PRAMEF14: variants seen among roughly 807,000 people sequenced by gnomAD.
PRAMEF14 encodes PRAME family member 14.
A neutral mutation model predicts 38.3 loss-of-function variants in PRAMEF14; 24 were observed. The observed-to-expected ratio is 0.63, with a 90% CI of 0.45 to 0.88. PRAMEF14 has a LOEUF of 0.88. PRAMEF14 is among the 40% of genes least tolerant of loss of function. The pLI, the probability that PRAMEF14 is intolerant of heterozygous loss-of-function variation, is 0.00. For missense variants in PRAMEF14, 477 were observed against 570.8 expected, an observed-to-expected ratio of 0.84 and a Z score of 1.67; for synonymous variants, 194 against 226.4, an observed-to-expected ratio of 0.86 and a Z score of 1.29.
Position 13,342,801 on chromosome 1 carries a change from A to T in PRAMEF14, c.1152T>A (p.Phe384Leu), listed in dbSNP as rs372624901. ...CACCCATAGACATACAATTTCTGCC[A>T]AAGTAGAAGGTGGTGAGCTGGGAGC... is the stretch of plus-strand genomic sequence containing the variant. ...SHCSQLTTFY[F>L]GRNCMSMGAL... The change falls in exon 4 of 4, where the codon TTT (phenylalanine) becomes TTA (leucine). Residue 384 changes from phenylalanine (F) to leucine (L), a missense_variant. By Grantham distance (22) the Phe-to-Leu change is conservative. This residue lies in a region of PRAMEF14 where 151 missense variants were observed against 137.4 expected (regional missense o/e 1.10). Coordinates refer to ENST00000334600, the MANE Select transcript of PRAMEF14 (RefSeq NM_001024661.2). 3.4e-5 allele frequency: 54 copies of T among 1,606,700 alleles called. 1 individual carries two copies. The highest frequency in any genetic ancestry group is 2.3e-4 in the Middle Eastern group (1 of 4,444).
In PRAMEF14 at chr1:13,344,275, A is replaced by G. The variant is rs1640371626; in HGVS notation, c.629T>C (p.Leu210Pro). 7 of 1,605,942 alleles carry G rather than the reference A, an allele frequency of 4.4e-6. No individual in the cohort carries two copies. The highest frequency in any genetic ancestry group is 5.1e-6 in the Non-Finnish European group (6 of 1,176,996). ...KIIYLNSIQQ[L>P]EIRNMSWPRL... ...TGGCCAGGACATGTTGCGAATTTCC[A>G]GCTGTTGAATACTATTCAGGTATAT... Residue 210 changes from leucine (L) to proline (P), a missense_variant, in exon 3 of 4, where the codon CTG (leucine) becomes CCG (proline). Leu to Pro is a moderately conservative substitution (Grantham distance 98, BLOSUM62 -3). Around this residue, in one of 4 missense-constraint regions of PRAMEF14, gnomAD observed 234 missense variants for 247.4 expected, o/e 0.95. Transcript: ENST00000334600.
Position 13,342,847 on chromosome 1 carries a change from A to G in PRAMEF14, c.1106T>C (p.Ile369Thr). The change falls in exon 4 of 4, where the codon ATC becomes ACC. Residue 369 changes from isoleucine to threonine, a missense_variant. Ile to Thr is a moderately conservative substitution (Grantham distance 89). Around this residue, in one of 4 missense-constraint regions of PRAMEF14, gnomAD observed 151 missense variants for 137.4 expected, o/e 1.10. Transcript: ENST00000334600. Reference protein sequence around the residue: ...CQIHYSQLSAILPGLSHCSQL... With the variant: ...CQIHYSQLSATLPGLSHCSQL... Reference sequence around the variant, plus strand: ...GGAGCAGTGGCTCAGGCCAGGCAGGATGGCACTGAGTTGGGAGTAGTGGAT... The same window carrying G: ...GGAGCAGTGGCTCAGGCCAGGCAGGGTGGCACTGAGTTGGGAGTAGTGGAT... The G allele has an allele frequency of 6.2e-7, 1 of 1,608,946 alleles. No individual in the cohort carries two copies.
chr1:13,342,298 C>T lies in PRAMEF14; in HGVS notation c.*230G>A, dbSNP rs1414557826. The T allele has an allele frequency of 5.3e-6, 4 of 761,858 alleles. No homozygotes were observed. In the African/African-American group the frequency reaches 7.0e-5, roughly 13 times the overall value. The allele number at this position is 761,858 out of a possible 1,614,324, so 47.2% of individuals were successfully genotyped here. A position where few individuals can be genotyped will look rare whatever the true frequency, so the allele number is the denominator to read the frequency against. On this transcript the variant is annotated 3_prime_UTR_variant, in exon 4 of 4. Transcript: ENST00000334600. ...GTCACTCATGCCAGTAATCCCAGCA[C>T]TTTAGGAAGCTGAGGCAGGAGGATC...
intron 3 of PRAMEF14, chr1:13,343,814 T>C (rs55659405): frequency 4.1e-6 from 6 of 1,475,622 alleles, no homozygotes; most frequent in Non-Finnish European, 5.4e-6. Context: ...ATGATGTCTC[T>C]CTCTAGCTTC....
chr1:13,345,711 T>A (rs1471803577), intron 1 of PRAMEF14, among the ~76,000 whole-genome samples: 451 of 147,618 alleles, frequency 3.1e-3, no homozygotes, highest in South Asian at 6.7e-3. Flanking sequence ...GAAAATTTTC[T>A]ACCAGAAATG....
chr1:13,344,323 T>C lies in PRAMEF14; in HGVS notation c.581A>G (p.His194Arg). 2.5e-6 allele frequency: 4 copies of C among 1,608,038 alleles called. No homozygotes were observed. Among genetic ancestry groups the C allele is most frequent in the Non-Finnish European group, 3.4e-6 (4 of 1,178,302 alleles). ...KLVNYLTPIKHLRKSLKIIYL... is the reference protein window; with the variant it reads ...KLVNYLTPIKRLRKSLKIIYL... ...TATTATTTTCAATGACTTTCTGAGATGTTTAATCGGCGTTAGATAATTGAC... is the reference window on the plus strand; with the variant it reads ...TATTATTTTCAATGACTTTCTGAGACGTTTAATCGGCGTTAGATAATTGAC... Residue 194 changes from histidine to arginine, a missense_variant, in exon 3 of 4, where the codon CAT becomes CGT. Coordinates refer to ENST00000334600, the MANE Select transcript of PRAMEF14 (RefSeq NM_001024661.2).
In PRAMEF14 at chr1:13,342,175, A is replaced by G. The variant is rs1231160194; in HGVS notation, c.*353T>C. The G allele has an allele frequency of 9.7e-6, 3 of 308,468 alleles. No homozygotes were observed. Among genetic ancestry groups the G allele is most frequent in the Non-Finnish European group, 6.0e-6 (1 of 165,778 alleles). The allele number at this position is 308,468 out of a possible 1,614,324, so 19.1% of individuals were successfully genotyped here. Reference sequence around the variant, plus strand: ...CTGAAGTTCTCATTGATGTCACCTCAACATTTTCCTCCAGCCTTGCCCCCT... The same window carrying G: ...CTGAAGTTCTCATTGATGTCACCTCGACATTTTCCTCCAGCCTTGCCCCCT... On this transcript the variant is annotated 3_prime_UTR_variant, in exon 4 of 4. Transcript: ENST00000334600.
In PRAMEF14 at chr1:13,344,273, C is replaced by G. The variant is rs1457657425; in HGVS notation, c.631G>C (p.Glu211Gln). The G allele has an allele frequency of 5.0e-6, 8 of 1,606,010 alleles. No individual in the cohort carries two copies. The African/African-American group carries it at 8.0e-5, about 16-fold the overall frequency. Residue 211 changes from glutamate to glutamine, a missense_variant, in exon 3 of 4, where the codon GAA becomes CAA. Physicochemically the swap from Glu to Gln is conservative, Grantham distance 29. Transcript: ENST00000334600. ...CGTGGCCAGGACATGTTGCGAATTT[C>G]CAGCTGTTGAATACTATTCAGGTAT... ...IIYLNSIQQL[E>Q]IRNMSWPRLI...
In PRAMEF14 at chr1:13,343,077, C is replaced by G. The variant is rs1442246994; in HGVS notation, c.876G>C (p.Gln292His). The G allele has an allele frequency of 6.2e-6, 10 of 1,611,186 alleles. No homozygotes were observed. The African/African-American group carries it at 1.2e-4, about 19-fold the overall frequency. ...TTAATTCCAAGTTCTCCAAGGGGTT[C>G]TGGAGGCACCTGTGGAGATCAAGAA... ...GHLEQLIRCLQNPLENLELTY... is the reference protein window; with the variant it reads ...GHLEQLIRCLHNPLENLELTY... The change falls in exon 4 of 4, where the codon CAG becomes CAC. Residue 292 changes from glutamine (Q) to histidine (H), a missense_variant. This residue lies in a region of PRAMEF14 where 234 missense variants were observed against 247.4 expected (regional missense o/e 0.95). Transcript: ENST00000334600.
rs1449365277 is a variant in PRAMEF14 at position 13,344,679 on chromosome 1, A to G, written c.288-63T>C. 4 of 1,598,286 alleles carry G rather than the reference A, an allele frequency of 2.5e-6. No individual in the cohort carries two copies. In the African/African-American group the frequency reaches 4.0e-5, roughly 16 times the overall value. ...GGACTCATCCCTGACCTTTGCTTTCATTCTCATCCCATAAATCAGCTGCTC... is the reference window on the plus strand; with the variant it reads ...GGACTCATCCCTGACCTTTGCTTTCGTTCTCATCCCATAAATCAGCTGCTC... On this transcript the variant is annotated intron_variant, in intron 2 of 3. Coordinates refer to ENST00000334600, the MANE Select transcript of PRAMEF14 (RefSeq NM_001024661.2).
At position 13,344,062 on chromosome 1, in the gene PRAMEF14, C is replaced by G. The variant is rs1382098416; in HGVS notation, c.842G>C (p.Ser281Thr). 2.4e-5 allele frequency: 38 copies of G among 1,608,706 alleles called. No homozygotes were observed. The highest frequency in any genetic ancestry group is 8.4e-5 in the Admixed American group (5 of 59,840). Reference sequence around the variant, plus strand: ...CCTGATCAGCTGTTCCAGGTGCCCACTGAAGAAGGTGATCAATTTTATTTT... The same window carrying G: ...CCTGATCAGCTGTTCCAGGTGCCCAGTGAAGAAGGTGATCAATTTTATTTT... ...LLKIKLITFF[S>T]GHLEQLIRCL... Residue 281 changes from serine to threonine, a missense_variant, in exon 3 of 4, where the codon AGT (serine) becomes ACT (threonine). Ser to Thr is a moderately conservative substitution (Grantham distance 58). Transcript: ENST00000334600.
intron 1 of PRAMEF14, among the ~76,000 whole-genome samples, chr1:13,346,500 T>G (rs1484171184): frequency 6.7e-6 from 1 of 149,236 alleles, no homozygotes; most frequent in Non-Finnish European, 1.5e-5. Flanking sequence ...ATAGGGAAAC[T>G]CCATCTCAAA....
Position 13,344,371 on chromosome 1 carries a change from A to G in PRAMEF14, c.533T>C (p.Val178Ala). ...GACCAGCTTACTACAGCACAGGTGT[A>G]CTAAACCTCTCCTTTGGTAAACCCA... The part of the protein sequence containing the change: ...FQWVYQRRGL[V>A]HLCCSKLVNY... Residue 178 changes from valine to alanine, a missense_variant, in exon 3 of 4, where the codon GTA becomes GCA. Coordinates refer to ENST00000334600, the MANE Select transcript of PRAMEF14 (RefSeq NM_001024661.2). 1 of 1,606,086 alleles carries G rather than the reference A, an allele frequency of 6.2e-7. No homozygotes were observed.
chr1:13,346,337 G>A (rs1640404700), intron 1 of PRAMEF14, among the ~76,000 whole-genome samples: 1 of 151,090 alleles, frequency 6.6e-6, no homozygotes, highest in Admixed American at 6.6e-5. Context: ...GCAAAACCCT[G>A]TGTCTACTAA....
Position 13,342,980 on chromosome 1 carries a change from G to A in PRAMEF14, c.973C>T (p.Leu325=), listed in dbSNP as rs1334643695. Residue 325 remains leucine (L), a synonymous_variant, in exon 4 of 4, where the codon CTG becomes TTG. Coordinates refer to ENST00000334600, the MANE Select transcript of PRAMEF14 (RefSeq NM_001024661.2). ...QYPSLGYLKH[L]NLSYVLLFRI... ...AACAGCAGCACGTAGCTGAGATTCA[G>A]ATGCTTTAGGTAACCGAGGCTTGGG... 1.2e-6 allele frequency: 2 copies of A among 1,610,010 alleles called. No individual in the cohort carries two copies. Among genetic ancestry groups the A allele is most frequent in the South Asian group, 2.2e-5 (2 of 90,842 alleles).
intron 3 of PRAMEF14, 97 bp downstream of exon 3, chr1:13,343,941 G>A (rs2100351994): frequency 3.2e-6 from 5 of 1,562,592 alleles, no homozygotes; most frequent in Non-Finnish European, 3.5e-6. Context: ...CTGTGACGTT[G>A]CCACTGGCTG....
intron 1 of PRAMEF14, among the ~76,000 whole-genome samples, chr1:13,345,847 C>T (rs1206421920): frequency 3.0e-3 from 438 of 147,028 alleles, no homozygotes; most frequent in Middle Eastern, 6.9e-3. Flanking sequence ...CTACTAAATA[C>T]AAAAAAATTA....
Position 13,343,100 on chromosome 1 carries a change from G to A in PRAMEF14, c.867-14C>T. The A allele has an allele frequency of 6.2e-7, 1 of 1,607,490 alleles. No individual in the cohort carries two copies. The highest frequency in any genetic ancestry group is 8.5e-7 in the Non-Finnish European group (1 of 1,176,320). On this transcript the variant is annotated splice_polypyrimidine_tract_variant and intron_variant, in intron 3 of 3. Coordinates refer to ENST00000334600, the MANE Select transcript of PRAMEF14 (RefSeq NM_001024661.2). ...TTCTGGAGGCACCTGTGGAGATCAA[G>A]AAGTTAGTTCTGGGCAATGGTACCA...
At chr1:13,344,017 A>T (rs1233375483) in intron 3 of PRAMEF14, 21 bp downstream of exon 3, 46 of 1,606,938 alleles carry the variant, frequency 2.9e-5, no homozygotes, top group Non-Finnish European at 5.1e-6. Context: ...TCTGCATATA[A>T]AGTGCATGAT....
Sources: allele counts gnomAD v4.1 joint callset (sites outside exome capture counted in the v4.1 genomes callset), GRCh38; gene constraint gnomAD v4.1.1; regional missense constraint gnomAD v4.1.1; transcripts MANE v1.5; gene names NCBI Gene and HGNC (gene_info 2026-07-23, HGNC 2026-07-21).